The following DPYSL3 variants were observed in gnomAD, a reference collection of about 807,000 sequenced individuals.
The protein encoded by DPYSL3 is dihydropyrimidinase-related protein 3.
A neutral mutation model predicts 66.1 loss-of-function variants in DPYSL3; 16 were observed. The observed-to-expected ratio is 0.24, with a 90% confidence interval of 0.16 to 0.37. The LOEUF (loss-of-function observed/expected upper bound fraction) is 0.37. Among genes scored for constraint, DPYSL3 ranks in the 10% least tolerant of loss-of-function variants. The probability of loss-of-function intolerance (pLI) is 1.00; values close to 1 mark genes in which losing one functional copy is unlikely to be tolerated. For synonymous variants in DPYSL3, 338 were observed against 345.1 expected (o/e 0.98, Z 0.23); for missense variants, 738 against 916.2 (o/e 0.81, Z 2.51).
chr5:147,474,551 A>T (rs1045154450), intron 1 of DPYSL3, among the ~76,000 whole-genome samples: 10 of 152,098 alleles, frequency 6.6e-5, no homozygotes, highest in African/African-American at 2.4e-4. Context: ...CTTGTGCCAG[A>T]ACTTCACCCT....
intron 1 of DPYSL3, among the ~76,000 whole-genome samples, chr5:147,463,626 G>C (rs1231021568): frequency 2.0e-5 from 3 of 152,090 alleles, no homozygotes; most frequent in Admixed American, 6.5e-5. Flanking sequence ...CATCTGCCAG[G>C]CTCTGCCATC....
chr5:147,454,866 G>T (rs1752816534), intron 1 of DPYSL3, among the ~76,000 whole-genome samples: 1 of 152,118 alleles, frequency 6.6e-6, no homozygotes, highest in Non-Finnish European at 1.5e-5. Context: ...CTGTGGGTGG[G>T]GTCTGAGTGG....
At chr5:147,441,437 C>T (rs1025173599) in intron 1 of DPYSL3, among the ~76,000 whole-genome samples, 1 of 152,134 alleles carries the variant, frequency 6.6e-6, no homozygotes, top group African/African-American at 2.4e-5. Flanking sequence ...TGGATTAGGG[C>T]CCATCCTAAT....
chr5:147,419,762 T>A (rs1238591043), intron 2 of DPYSL3, among the ~76,000 whole-genome samples: 1 of 152,104 alleles, frequency 6.6e-6, no homozygotes, highest in Non-Finnish European at 1.5e-5. Flanking sequence ...ATTCCTGACA[T>A]CTCTAAGAGT....
At chr5:147,420,049 C>A (rs535794156) in intron 2 of DPYSL3, among the ~76,000 whole-genome samples, 4 of 152,154 alleles carry the variant, frequency 2.6e-5, no homozygotes, top group African/African-American at 9.7e-5. Flanking sequence ...GCTCCACCAA[C>A]GAAGGCCGCA....
At chr5:147,418,714 G>T in intron 2 of DPYSL3, 83 bp from the exon 3 acceptor site, 1 of 1,277,786 alleles carries the variant, frequency 7.8e-7, no homozygotes, top group Non-Finnish European at 1.1e-6. Context: ...AGTGGTATAA[G>T]GATTTTAAAC....
intron 1 of DPYSL3, among the ~76,000 whole-genome samples, chr5:147,465,686 C>G (rs901965284): frequency 6.6e-6 from 1 of 152,168 alleles, no homozygotes; most frequent in Non-Finnish European, 1.5e-5. Context: ...CCCCGCCGAC[C>G]CAGGGCATAT....
At chr5:147,425,216 C>A (rs1752173269) in intron 1 of DPYSL3, among the ~76,000 whole-genome samples, 1 of 152,196 alleles carries the variant, frequency 6.6e-6, no homozygotes, top group South Asian at 2.1e-4. Flanking sequence ...ATTATAGCCA[C>A]CTGGAAACAT....
chr5:147,506,161 T>A (rs1753683380), intron 1 of DPYSL3, among the ~76,000 whole-genome samples: 1 of 152,174 alleles, frequency 6.6e-6, no homozygotes, highest in Non-Finnish European at 1.5e-5. Context: ...AGGAGTGCTG[T>A]ATTATAGAAT....
intron 1 of DPYSL3, among the ~76,000 whole-genome samples, chr5:147,489,199 G>T (rs149782217): frequency 1.3e-5 from 2 of 151,970 alleles, no homozygotes; most frequent in African/African-American, 2.4e-5. Context: ...GGACTTGACC[G>T]GATTCTGCTT....
At chr5:147,451,850 CT>C (rs1476024803) in intron 1 of DPYSL3, among the ~76,000 whole-genome samples, 1 of 151,876 alleles carries the variant, frequency 6.6e-6, no homozygotes, top group Admixed American at 6.6e-5. Context: ...TTCTTTCTTT[CT>C]TTTTTTGGAT....
intron 1 of DPYSL3, among the ~76,000 whole-genome samples, chr5:147,449,195 C>T (rs1752682335): frequency 6.6e-6 from 1 of 152,128 alleles, no homozygotes; most frequent in Non-Finnish European, 1.5e-5. Context: ...CCCAGCTTAA[C>T]TGCTGCAGAG....
At chr5:147,405,267 A>C (rs1758298406) in intron 8 of DPYSL3, among the ~76,000 whole-genome samples, 1 of 152,168 alleles carries the variant, frequency 6.6e-6, no homozygotes, top group Non-Finnish European at 1.5e-5. Flanking sequence ...TGAATTTTGC[A>C]CCCAATTTAA....
At chr5:147,457,333 A>T (rs898154170) in intron 1 of DPYSL3, among the ~76,000 whole-genome samples, 1 of 152,090 alleles carries the variant, frequency 6.6e-6, no homozygotes, top group Non-Finnish European at 1.5e-5. Flanking sequence ...AGGGTATGTG[A>T]TGTGTCTGTT....
intron 1 of DPYSL3, among the ~76,000 whole-genome samples, chr5:147,500,907 G>A (rs1215368444): frequency 1.3e-5 from 2 of 152,118 alleles, no homozygotes; most frequent in African/African-American, 4.8e-5. Flanking sequence ...AGACAATTTG[G>A]CAGTTTCTTA....
At chr5:147,425,152 C>T (rs1257111260) in intron 1 of DPYSL3, among the ~76,000 whole-genome samples, 189 bp from the exon 2 acceptor site, 1 of 152,144 alleles carries the variant, frequency 6.6e-6, no homozygotes, top group African/African-American at 2.4e-5. Context: ...TTCTTGTTTG[C>T]CCTTAATTCA....
intron 1 of DPYSL3, 81 bp from the exon 2 acceptor site, chr5:147,425,044 T>C: frequency 1.9e-6 from 2 of 1,064,298 alleles, no homozygotes; most frequent in Non-Finnish European, 2.8e-6. Context: ...TCCCAATTCA[T>C]TGTTCTAGAT....
At chr5:147,497,858 C>T (rs1423171917) in intron 1 of DPYSL3, among the ~76,000 whole-genome samples, 1 of 152,144 alleles carries the variant, frequency 6.6e-6, no homozygotes, top group Non-Finnish European at 1.5e-5. Context: ...CAAAGACACA[C>T]TTTTTCACCA....
chr5:147,498,184 G>A (rs944216535), intron 1 of DPYSL3, among the ~76,000 whole-genome samples: 1 of 151,970 alleles, frequency 6.6e-6, no homozygotes, highest in African/African-American at 2.4e-5. Flanking sequence ...GAGAACATGT[G>A]GTATTTCATT....
Sources: gnomAD v4.1 joint callset for allele counts (sites outside exome capture counted in the v4.1 genomes callset) on GRCh38, gnomAD v4.1.1 for gene constraint, MANE v1.5 for transcripts, NCBI Gene and HGNC (gene_info 2026-07-23, HGNC 2026-07-21) for gene names.